Variants in SVIL observed in about 807,000 individuals in gnomAD.
The protein encoded by SVIL is archvillin.
A neutral mutation model predicts 240.4 loss-of-function variants in SVIL; 101 were observed. The observed-to-expected ratio is 0.42, with a 90% CI of 0.36 to 0.50. The LOEUF (loss-of-function observed/expected upper bound fraction) is 0.50. Ranked by LOEUF, SVIL falls within the 20% of genes least tolerant of loss-of-function variation. SVIL has a pLI of 0.01. For missense variants in SVIL, 2,512 were observed against 2,818.7 expected (o/e 0.89, Z 2.46); for synonymous variants, 999 against 1,100.0 (o/e 0.91, Z 1.82).
intron 1 of SVIL, among the ~76,000 whole-genome samples, chr10:29,611,937 C>G (rs114339995): frequency 6.6e-6 from 1 of 152,132 alleles, no homozygotes; most frequent in Non-Finnish European, 1.5e-5. Flanking sequence ...GGACTTTACG[C>G]TCCAGGAGAT....
intron 3 of SVIL, among the ~76,000 whole-genome samples, chr10:29,647,002 A>G (rs1335254590): frequency 6.6e-6 from 1 of 152,216 alleles, no homozygotes; most frequent in Non-Finnish European, 1.5e-5. Flanking sequence ...GCTTACTTTT[A>G]GGTAGGAACT....
intron 29 of SVIL, among the ~76,000 whole-genome samples, chr10:29,474,344 T>C (rs922749446): frequency 1.6e-4 from 25 of 152,178 alleles, no homozygotes; most frequent in African/African-American, 5.6e-4. Flanking sequence ...GAATGGCTCA[T>C]GCCTGTAATC....
chr10:29,513,080 C>T (rs537715088), intron 16 of SVIL, among the ~76,000 whole-genome samples: 1 of 152,330 alleles, frequency 6.6e-6, no homozygotes, highest in Non-Finnish European at 1.5e-5. Context: ...GATTGAAACA[C>T]AGAGCTGAAA....
chr10:29,553,118 CT>C (rs4018662), intron 5 of SVIL, among the ~76,000 whole-genome samples: 38,816 of 135,334 alleles, frequency 0.29, 5,136 homozygotes, highest in African/African-American at 0.34. Context: ...CAAGCCCAGC[CT>C]TTTTTTTTTT....
Position 29,574,784 on chromosome 10 carries a change from G to T in SVIL, c.-200-5472C>A, listed in dbSNP as rs547454170. ...CCCAGCCCTGGCCCACATGGATGTC[G>T]CTGGTAAAGGGGCCAGCCTGACCCC... On this transcript the variant is annotated intron_variant, in intron 1 of 37. Transcript: ENST00000355867. 5.9e-5 allele frequency among the ~76,000 whole-genome samples: 9 copies of T among 152,278 alleles called. No individual in the cohort carries two copies. The South Asian group carries it at 1.7e-3, about 28-fold the overall frequency.
At chr10:29,526,305 C>CTTTTTTTTTTTTTTTTTTTTTCTCTTTTT (rs36004446) in intron 13 of SVIL, among the ~76,000 whole-genome samples, 1 of 115,026 alleles carries the variant, frequency 8.7e-6, no homozygotes, top group African/African-American at 3.4e-5. Context: ...TTTTCTCTTT[C>CTTTTTTTTTTTTTTTTTTTTTCTCTTTTT]TTTTTTTTTT....
intron 17 of SVIL, among the ~76,000 whole-genome samples, chr10:29,500,935 G>T (rs571284374): frequency 6.6e-6 from 1 of 152,154 alleles, no homozygotes; most frequent in African/African-American, 2.4e-5. Context: ...CCCCTGGAAT[G>T]ATGGGAGTTG....
intron 1 of SVIL, among the ~76,000 whole-genome samples, chr10:29,589,757 A>G (rs142671188): frequency 3.3e-5 from 5 of 152,296 alleles, no homozygotes; most frequent in East Asian, 3.9e-4. Flanking sequence ...ATGTTCTTAT[A>G]TGGCCAAACC....
At chr10:29,640,416 CAT>C (rs1181201163) in intron 3 of SVIL, among the ~76,000 whole-genome samples, 2 of 152,168 alleles carry the variant, frequency 1.3e-5, no homozygotes, top group African/African-American at 4.8e-5. Context: ...CTCAAATGTC[CAT>C]ATGTTTCCCA....
At chr10:29,535,779 T>G (rs1951700174) in intron 7 of SVIL, among the ~76,000 whole-genome samples, 1 of 152,066 alleles carries the variant, frequency 6.6e-6, no homozygotes, top group Non-Finnish European at 1.5e-5. Flanking sequence ...TTGACAAAGA[T>G]TGAAAAAGAG....
chr10:29,501,632 C>T (rs982478774), intron 17 of SVIL, among the ~76,000 whole-genome samples: 2 of 152,210 alleles, frequency 1.3e-5, no homozygotes, highest in African/African-American at 4.8e-5. Flanking sequence ...CATTTCCCCT[C>T]GTGATCGGCG....
chr10:29,537,949 T>C (rs943193125), intron 6 of SVIL, among the ~76,000 whole-genome samples: 1 of 152,244 alleles, frequency 6.6e-6, no homozygotes, highest in African/African-American at 2.4e-5. Flanking sequence ...AGTCATTTCA[T>C]TTCCAAATAT....
chr10:29,644,927 A>G (rs1958607597), intron 3 of SVIL, among the ~76,000 whole-genome samples: 3 of 151,880 alleles, frequency 2.0e-5, no homozygotes, highest in Non-Finnish European at 4.4e-5. Context: ...TGGGGACAGA[A>G]TGGTGGGAGG....
intron 1 of SVIL, among the ~76,000 whole-genome samples, chr10:29,613,646 C>A (rs1435758377): frequency 6.6e-6 from 1 of 152,090 alleles, no homozygotes. Flanking sequence ...TCAAGGAGTT[C>A]TAATGATCAT....
At chr10:29,464,314 A>G (rs532506611) in intron 34 of SVIL, among the ~76,000 whole-genome samples, 3 of 152,174 alleles carry the variant, frequency 2.0e-5, no homozygotes, top group African/African-American at 7.2e-5. Context: ...TGCTGCATGC[A>G]TGTAGTCTCC....
At chr10:29,574,098 G>A (rs1221012990) in intron 1 of SVIL, among the ~76,000 whole-genome samples, 3 of 152,270 alleles carry the variant, frequency 2.0e-5, no homozygotes, top group East Asian at 1.9e-4. Flanking sequence ...CAGCATGAAC[G>A]CACAAAGTTC....
chr10:29,729,452 T>G (rs1298414537), intron 1 of SVIL, among the ~76,000 whole-genome samples: 1,361 of 8,272 alleles, frequency 0.16, 18 homozygotes, highest in African/African-American at 0.38. Flanking sequence ...TTTATGGAGG[T>G]GTGTGTGTGT....
At chr10:29,507,849 G>C (rs1281450067) in intron 17 of SVIL, 3 of 932,076 alleles carry the variant, frequency 3.2e-6, no homozygotes, top group Non-Finnish European at 3.8e-6. Flanking sequence ...AAGGTGAAAA[G>C]AGAAGATTTA....
At chr10:29,471,039 G>T in intron 31 of SVIL, 99 bp downstream of exon 31, 1 of 1,135,094 alleles carries the variant, frequency 8.8e-7, no homozygotes, top group Non-Finnish European at 1.3e-6. Flanking sequence ...TCGAGCCACA[G>T]CTAGATGAAG....
Sources: gnomAD v4.1 joint callset for allele counts (sites outside exome capture counted in the v4.1 genomes callset) on GRCh38, gnomAD v4.1.1 for gene constraint, MANE v1.5 for transcripts, NCBI Gene and HGNC (gene_info 2026-07-23, HGNC 2026-07-21) for gene names.